IL20RA: variants seen among roughly 807,000 people sequenced by gnomAD.
IL20RA encodes interleukin 20 receptor subunit alpha, also known as interleukin-20 receptor subunit alpha.
IL20RA carries 29 observed loss-of-function variants against 36.5 expected under a neutral mutation model. The observed-to-expected ratio is 0.79, with a 90% CI of 0.59 to 1.08. IL20RA has a LOEUF of 1.08. Among genes scored for constraint, IL20RA ranks in the 50% least tolerant of loss-of-function variants. The pLI is 0.00. For synonymous variants in IL20RA, 279 were observed against 267.1 expected (o/e 1.04, Z -0.43); for missense variants, 652 against 668.4 (o/e 0.98, Z 0.27).
At chr6:137,025,078 T>G (rs1250164836) in intron 1 of IL20RA, among the ~76,000 whole-genome samples, 1 of 152,240 alleles carries the variant, frequency 6.6e-6, no homozygotes, top group African/African-American at 2.4e-5. Flanking sequence ...CTGTAGCTTG[T>G]AAGCCACATA....
chr6:137,024,742 T>A (rs1776025607), intron 1 of IL20RA, among the ~76,000 whole-genome samples: 1 of 152,220 alleles, frequency 6.6e-6, no homozygotes, highest in Admixed American at 6.5e-5. Context: ...GTTTTCCATG[T>A]GTGCATCATT....
intron 1 of IL20RA, among the ~76,000 whole-genome samples, chr6:137,029,294 G>A (rs1470087717): frequency 1.3e-5 from 2 of 152,056 alleles, no homozygotes; most frequent in African/African-American, 4.8e-5. Flanking sequence ...GATCACCTGA[G>A]GCCAGGAGTT....
At position 137,001,271 on chromosome 6, in the gene IL20RA, C is replaced by T. The variant is rs1317167450; in HGVS notation, c.*287G>A. On this transcript the variant is annotated 3_prime_UTR_variant, in exon 7 of 7. Transcript: ENST00000316649. ...GAACCAAGAGGCCAGAGTACACCCA[C>T]CTGAATAAATTCTGCACCCAGTCTG... 11 of 282,042 alleles carry T rather than the reference C, an allele frequency of 3.9e-5. No homozygotes were observed. The highest frequency in any genetic ancestry group is 6.6e-5 in the Non-Finnish European group (10 of 151,712). 17.5% of individuals were successfully genotyped at this position (282,042 alleles called of 1,614,324 possible). A position where few individuals can be genotyped will look rare whatever the true frequency, so the allele number is the denominator to read the frequency against.
chr6:137,004,159 C>CGTGTTTTTTTTTTTTT (rs531501235), intron 6 of IL20RA, among the ~76,000 whole-genome samples: 31 of 88,010 alleles, frequency 3.5e-4, no homozygotes, highest in African/African-American at 1.7e-3. Context: ...ATCCAGAAAG[C>CGTGTTTTTTTTTTTTT]TTTTTTTTTT....
At chr6:137,021,366 A>T (rs1775897192) in intron 1 of IL20RA, among the ~76,000 whole-genome samples, 1 of 152,036 alleles carries the variant, frequency 6.6e-6, no homozygotes, top group African/African-American at 2.4e-5. Flanking sequence ...TTTGGGTATG[A>T]TTAAAAATAA....
At chr6:137,009,644 C>T (rs1484317705) in intron 3 of IL20RA, 152 bp from the exon 4 acceptor site, 13 of 570,622 alleles carry the variant, frequency 2.3e-5, no homozygotes, top group East Asian at 8.6e-5. Context: ...CTTGCCCCCT[C>T]GCCTAGGCTG....
intron 1 of IL20RA, among the ~76,000 whole-genome samples, chr6:137,030,160 A>G (rs1160942360): frequency 2.2e-5 from 3 of 133,868 alleles, no homozygotes; most frequent in Non-Finnish European, 4.6e-5. Flanking sequence ...AGCTCACTGC[A>G]GCCTCAAAAT....
chr6:137,015,075 T>C (rs1226946550), intron 2 of IL20RA, among the ~76,000 whole-genome samples: 1 of 152,226 alleles, frequency 6.6e-6, no homozygotes, highest in Non-Finnish European at 1.5e-5. Context: ...TTCTCTCAAC[T>C]TGAGTTCTGC....
At chr6:137,036,953 C>G (rs986846842) in intron 1 of IL20RA, among the ~76,000 whole-genome samples, 11 of 152,088 alleles carry the variant, frequency 7.2e-5, no homozygotes, top group Non-Finnish European at 1.6e-4. Context: ...CAAAAGAAAA[C>G]CCTGCAAAGT....
At chr6:137,029,896 G>T (rs1211822604) in intron 1 of IL20RA, among the ~76,000 whole-genome samples, 1 of 150,028 alleles carries the variant, frequency 6.7e-6, no homozygotes, top group Non-Finnish European at 1.5e-5. Flanking sequence ...TTTTCAGAAG[G>T]AAAGTCAACA....
At chr6:137,015,278 A>C (rs1471363983) in intron 2 of IL20RA, among the ~76,000 whole-genome samples, 2 of 152,260 alleles carry the variant, frequency 1.3e-5, no homozygotes, top group South Asian at 2.1e-4. Context: ...ATCTTGATAC[A>C]GTATTTTTAT....
chr6:137,011,194 A>G, intron 3 of IL20RA, 80 bp downstream of exon 3: 1 of 1,197,746 alleles, frequency 8.3e-7, no homozygotes, highest in South Asian at 1.5e-5. Context: ...CCTCTGGGCA[A>G]GGCTGTCTGT....
rs1775032683 is a variant in IL20RA at position 137,001,578 on chromosome 6, A to G, written c.1642T>C (p.Tyr548His). The G allele has an allele frequency of 6.4e-7, 1 of 1,570,898 alleles. No homozygotes were observed. Among genetic ancestry groups the G allele is most frequent in the African/African-American group, 1.4e-5 (1 of 73,364 alleles). The part of the protein sequence containing the change: ...LMQFMEEWGL[Y>H]VQMEN ...TGGCATCAGTTTTCCATCTGCACAT[A>G]TAACCCCCATTCCTCCATGAATTGC... is the stretch of plus-strand genomic sequence containing the variant. The change falls in exon 7 of 7, where the codon TAT becomes CAT. Residue 548 changes from tyrosine (Y) to histidine (H), a missense_variant. Coordinates refer to ENST00000316649, the MANE Select transcript of IL20RA (RefSeq NM_014432.4).
intron 6 of IL20RA, 75 bp from the exon 7 acceptor site, chr6:137,002,430 T>G: frequency 1.1e-6 from 1 of 943,684 alleles, no homozygotes; most frequent in South Asian, 1.7e-5. Flanking sequence ...AGGTAGAATA[T>G]CTTGTCACCA....
At chr6:137,039,024 G>T (rs1776584312) in intron 1 of IL20RA, among the ~76,000 whole-genome samples, 1 of 152,164 alleles carries the variant, frequency 6.6e-6, no homozygotes, top group African/African-American at 2.4e-5. Context: ...CTTGCCTATT[G>T]TCTTTACCCA....
rs1775014226 is a variant in IL20RA, at chr6:137,000,994, C to G, written c.*564G>C. Reference sequence around the variant, plus strand: ...CAAGAGTGTGTGATATCATGAAGGTCTGTGCCTGATGTATTCACTCAAAAT... The same window carrying G: ...CAAGAGTGTGTGATATCATGAAGGTGTGTGCCTGATGTATTCACTCAAAAT... On this transcript the variant is annotated 3_prime_UTR_variant, in exon 7 of 7. Transcript: ENST00000316649. 6.6e-6 allele frequency: 1 copy of G among 152,246 alleles called. No homozygotes were observed. The highest frequency in any genetic ancestry group is 2.4e-5 in the African/African-American group (1 of 41,444). 9.4% of individuals were successfully genotyped at this position (152,246 alleles called of 1,614,324 possible).
chr6:137,014,923 GA>G (rs1340831139), intron 2 of IL20RA, among the ~76,000 whole-genome samples: 1 of 152,118 alleles, frequency 6.6e-6, no homozygotes, highest in Non-Finnish European at 1.5e-5. Flanking sequence ...CATCCTCCAG[GA>G]AGATCTCAGA....
At chr6:137,044,461 C>G (rs745519104) in intron 1 of IL20RA, 180 bp downstream of exon 1, 79 of 839,762 alleles carry the variant, frequency 9.4e-5, no homozygotes, top group Non-Finnish European at 1.2e-4. Context: ...GCGAGTGTCC[C>G]CCGGGCTCCC....
intron 4 of IL20RA, 54 bp from the exon 5 acceptor site, chr6:137,008,797 C>G (rs1775365808): frequency 5.0e-6 from 7 of 1,404,182 alleles, no homozygotes; most frequent in Admixed American, 2.3e-5. Context: ...TGGGACCACC[C>G]CAGACAAATA....
Sources: gnomAD v4.1 joint callset for allele counts (sites outside exome capture counted in the v4.1 genomes callset) on GRCh38, gnomAD v4.1.1 for gene constraint, MANE v1.5 for transcripts, NCBI Gene and HGNC (gene_info 2026-07-23, HGNC 2026-07-21) for gene names.